Variants in PCM1 observed in about 807,000 individuals in gnomAD.
The protein encoded by PCM1 is pericentriolar material 1 protein.
PCM1 carries 157 observed loss-of-function variants against 241.9 expected under a neutral mutation model. The ratio of observed to expected loss-of-function variants is 0.65; its 90% CI spans 0.57 to 0.74. The LOEUF is 0.74. Among genes scored for constraint, PCM1 ranks in the 30% least tolerant of loss-of-function variants. The probability of loss-of-function intolerance (pLI) is 0.00; values close to 1 mark genes in which losing one functional copy is unlikely to be tolerated. For missense variants in PCM1, 3,478 were observed against 2,360.1 expected, an observed-to-expected ratio of 1.47 and a Z score of -9.81; for synonymous variants, 1,085 against 784.9, an observed-to-expected ratio of 1.38 and a Z score of -6.39.
chr8:18,017,530 TG>T (rs200138638), intron 36 of PCM1, among the ~76,000 whole-genome samples: 2,581 of 152,306 alleles, frequency 0.017, 27 homozygotes, highest in Non-Finnish European at 0.022. Flanking sequence ...CTACCTGTGT[TG>T]GGCCAGACTA....
intron 24 of PCM1, among the ~76,000 whole-genome samples, chr8:17,985,085 A>G (rs1296450132): frequency 6.6e-6 from 1 of 151,924 alleles, no homozygotes; most frequent in Non-Finnish European, 1.5e-5. Context: ...AGCAAAAGCA[A>G]AAAAGAAATT....
chr8:18,018,874 A>ATGTGTGTG (rs2093499506), intron 36 of PCM1, among the ~76,000 whole-genome samples: 1 of 32,922 alleles, frequency 3.0e-5, no homozygotes, highest in Non-Finnish European at 9.8e-5. Flanking sequence ...ATATATATAT[A>ATGTGTGTG]TATATACACA....
At chr8:17,941,204 G>C (rs1466573341) in intron 6 of PCM1, among the ~76,000 whole-genome samples, 1 of 152,112 alleles carries the variant, frequency 6.6e-6, no homozygotes, top group African/African-American at 2.4e-5. Flanking sequence ...TCTTCCTTAG[G>C]TTCCAGCAGA....
chr8:17,938,909 G>A lies in PCM1; in HGVS notation c.512G>A (p.Cys171Tyr), dbSNP rs754820006. 6.2e-7 allele frequency: 1 copy of A among 1,613,746 alleles called. No homozygotes were observed. Among genetic ancestry groups the A allele is most frequent in the Non-Finnish European group, 8.5e-7 (1 of 1,179,650 alleles). Reference protein sequence around the residue: ...PNRETIGSAQCKELFASALSN... With the variant: ...PNRETIGSAQYKELFASALSN... ...AGAGAAACGATTGGATCAGCACAGTGTAAAGAGTTGTTTGCTTCTGCTTTA... is the reference window on the plus strand; with the variant it reads ...AGAGAAACGATTGGATCAGCACAGTATAAAGAGTTGTTTGCTTCTGCTTTA... Residue 171 changes from cysteine (C) to tyrosine (Y), a missense_variant, in exon 5 of 39, where the codon TGT becomes TAT. Cys to Tyr is a radical substitution (Grantham distance 194). Transcript: ENST00000325083.
At chr8:17,994,596 G>T (rs1236601574) in intron 29 of PCM1, among the ~76,000 whole-genome samples, 17 of 152,148 alleles carry the variant, frequency 1.1e-4, no homozygotes. Flanking sequence ...TGTATTTTCA[G>T]TTTTTTGAGC....
intron 21 of PCM1, among the ~76,000 whole-genome samples, chr8:17,968,640 A>C (rs955486394): frequency 3.9e-5 from 6 of 151,978 alleles, no homozygotes; most frequent in Admixed American, 6.6e-5. Flanking sequence ...ATATATATAT[A>C]TATAATCACA....
At position 17,966,116 on chromosome 8, in the gene PCM1, T is replaced by A. The variant is rs1314369026; in HGVS notation, c.2973T>A (p.Ser991=). ...ACCTTCGTTGGGTGTCAGAGCTCTC[T>A]TACGTAGAAGAGAAAGAACAATGGC... The part of the protein sequence containing the change: ...QENLRWVSEL[S]YVEEKEQWQE... Residue 991 remains serine (S), a synonymous_variant, in exon 19 of 39, where the codon TCT becomes TCA. Transcript: ENST00000325083. 6.2e-7 allele frequency: 1 copy of A among 1,613,878 alleles called. No homozygotes were observed.
chr8:17,991,245 C>T (rs1433843397), intron 27 of PCM1, among the ~76,000 whole-genome samples: 1 of 152,084 alleles, frequency 6.6e-6, no homozygotes, highest in Non-Finnish European at 1.5e-5. Context: ...ATATGGGCTT[C>T]AGAGTTTGAT....
intron 10 of PCM1, among the ~76,000 whole-genome samples, chr8:17,956,303 T>C (rs2068452024): frequency 6.6e-6 from 1 of 152,182 alleles, no homozygotes; most frequent in African/African-American, 2.4e-5. Context: ...TAGAAATCTT[T>C]TTGACATCAG....
At chr8:17,963,805 C>G (rs1352998948) in intron 17 of PCM1, among the ~76,000 whole-genome samples, 4 of 152,012 alleles carry the variant, frequency 2.6e-5, no homozygotes, top group Non-Finnish European at 1.5e-5. Context: ...TAGTAGTAAC[C>G]ATATCAAAAA....
At chr8:17,964,453 A>G in intron 17 of PCM1, 115 bp from the exon 18 acceptor site, 1 of 714,522 alleles carries the variant, frequency 1.4e-6, no homozygotes, top group Non-Finnish European at 2.3e-6. Flanking sequence ...ATTAAATGAA[A>G]TTTTATATAC....
At chr8:17,935,199 C>T (rs1343134585) in intron 2 of PCM1, among the ~76,000 whole-genome samples, 2 of 152,236 alleles carry the variant, frequency 1.3e-5, no homozygotes, top group Non-Finnish European at 2.9e-5. Flanking sequence ...GTATCATCTT[C>T]ATCCCAAGTC....
chr8:17,940,267 G>T, intron 6 of PCM1: 1 of 604,476 alleles, frequency 1.7e-6, no homozygotes, highest in South Asian at 2.1e-5. Flanking sequence ...GTGTATTCCA[G>T]GGAAGAACCC....
rs768888877 is a variant in PCM1 at position 17,972,699 on chromosome 8, A to C, written c.3943+12A>C. On this transcript the variant is annotated intron_variant, in intron 23 of 38. Coordinates refer to ENST00000325083, the MANE Select transcript of PCM1 (RefSeq NM_006197.4). ...AGTTAAAAACATCAGTAAGTGTTGA[A>C]ATTTGTTGAATGTTGATCAGTGTAA... 3 of 1,454,678 alleles carry C rather than the reference A, an allele frequency of 2.1e-6. No individual in the cohort carries two copies. Among genetic ancestry groups the C allele is most frequent in the Non-Finnish European group, 2.8e-6 (3 of 1,088,894 alleles). The allele number at this position is 1,454,678 out of a possible 1,614,324, so 90.1% of individuals were successfully genotyped here. A position where few individuals can be genotyped will look rare whatever the true frequency, so the allele number is the denominator to read the frequency against.
intron 23 of PCM1, among the ~76,000 whole-genome samples, chr8:17,975,657 C>G (rs1359758664): frequency 1.3e-5 from 2 of 152,056 alleles, no homozygotes; most frequent in Non-Finnish European, 2.9e-5. Flanking sequence ...ATGGTACAGC[C>G]AGTTATACTG....
intron 32 of PCM1, 77 bp from the exon 33 acceptor site, chr8:18,011,160 T>C: frequency 1.1e-6 from 1 of 930,500 alleles, no homozygotes; most frequent in Non-Finnish European, 1.5e-6. Flanking sequence ...ATGATCATTA[T>C]TAATACGATA....
At chr8:17,956,875 G>A in intron 11 of PCM1, 98 bp downstream of exon 11, 1 of 971,870 alleles carries the variant, frequency 1.0e-6, no homozygotes, top group South Asian at 1.6e-5. Context: ...TTTACTATTT[G>A]CCTTTTATTT....
chr8:17,995,638 C>T (rs1234663227), intron 29 of PCM1, among the ~76,000 whole-genome samples: 1 of 151,338 alleles, frequency 6.6e-6, no homozygotes, highest in Non-Finnish European at 1.5e-5. Flanking sequence ...TGTATTGAAT[C>T]TGTAGATTGC....
intron 2 of PCM1, chr8:17,927,706 A>C (rs1467923755): frequency 6.6e-6 from 1 of 151,720 alleles, no homozygotes; most frequent in Non-Finnish European, 1.5e-5. Flanking sequence ...GCGTGCCACC[A>C]CGTCCGACTA....
Sources: allele counts gnomAD v4.1 joint callset (sites outside exome capture counted in the v4.1 genomes callset), GRCh38; gene constraint gnomAD v4.1.1; transcripts MANE v1.5; gene names NCBI Gene and HGNC (gene_info 2026-07-23, HGNC 2026-07-21).